Variants in TMEM245 observed in about 807,000 individuals in gnomAD.
The protein encoded by TMEM245 is protein CG-2.
Under a neutral mutation model 101.2 loss-of-function variants are expected in TMEM245, and 69 were observed. The observed-to-expected ratio is 0.68, with a 90% CI of 0.56 to 0.83. The LOEUF is 0.83. Among genes scored for constraint, TMEM245 ranks in the 40% least tolerant of loss-of-function variants. TMEM245 has a pLI of 0.00. For synonymous variants in TMEM245, 537 were observed against 449.8 expected, an observed-to-expected ratio of 1.19 and a Z score of -2.45; for missense variants, 1,075 against 1,092.8, an observed-to-expected ratio of 0.98 and a Z score of 0.23.
At chr9:109,078,270 A>G (rs1829573347) in intron 8 of TMEM245, among the ~76,000 whole-genome samples, 1 of 152,050 alleles carries the variant, frequency 6.6e-6, no homozygotes, top group Admixed American at 6.6e-5. Context: ...CAGTATTTCT[A>G]TTTTTCTTTA....
intron 16 of TMEM245, among the ~76,000 whole-genome samples, chr9:109,035,523 T>C (rs1828092412): frequency 6.6e-6 from 1 of 152,180 alleles, no homozygotes; most frequent in Non-Finnish European, 1.5e-5. Flanking sequence ...TTTAGAGAGC[T>C]CTGCTTGCCA....
chr9:109,019,654 T>C lies in TMEM245; in HGVS notation c.*806A>G, dbSNP rs113020697. The stretch of plus-strand genomic sequence containing the variant: ...CGGATACATTTAACAAATCAGAGTA[T>C]TGCTACACCTGAGATTTTTCACTTC... On this transcript the variant is annotated 3_prime_UTR_variant, in exon 18 of 18. Coordinates refer to ENST00000374586, the MANE Select transcript of TMEM245 (RefSeq NM_032012.4). 152 of 152,648 alleles carry C rather than the reference T, an allele frequency of 1.0e-3. 1 individual carries two copies. Among genetic ancestry groups the C allele is most frequent in the African/African-American group, 3.4e-3 (140 of 41,592 alleles). The allele number at this position is 152,648 out of a possible 1,614,324, so 9.5% of individuals were successfully genotyped here. A position where few individuals can be genotyped will look rare whatever the true frequency, so the allele number is the denominator to read the frequency against.
intron 3 of TMEM245, among the ~76,000 whole-genome samples, chr9:109,095,980 A>G (rs1402298317): frequency 2.0e-5 from 3 of 152,234 alleles, no homozygotes; most frequent in Non-Finnish European, 4.4e-5. Flanking sequence ...GTCTACAGCC[A>G]CAACAGGGGA....
intron 1 of TMEM245, among the ~76,000 whole-genome samples, chr9:109,109,399 C>T (rs975811206): frequency 6.6e-6 from 1 of 150,462 alleles, no homozygotes; most frequent in African/African-American, 2.5e-5. Context: ...TAACATAAGA[C>T]CAAGAAGCTA....
intron 10 of TMEM245, 57 bp from the exon 11 acceptor site, chr9:109,060,509 A>C (rs948727208): frequency 2.5e-6 from 3 of 1,180,174 alleles, no homozygotes; most frequent in African/African-American, 3.0e-5. Context: ...ACAGAGTAAA[A>C]TTAATATATG....
In TMEM245 at chr9:109,033,487, T is replaced by C. The variant is rs1470525180; in HGVS notation, c.2414A>G (p.Tyr805Cys). Residue 805 changes from tyrosine (Y) to cysteine (C), a missense_variant, in exon 17 of 18, where the codon TAC becomes TGC. Physicochemically the swap from Tyr to Cys is radical, Grantham distance 194 (BLOSUM62 -2). This residue lies in a region of TMEM245 where 267 missense variants were observed against 351.3 expected (regional missense o/e 0.76). Transcript: ENST00000374586. ...ACCGGCCACTGCCAAGCCTGTCAGG[T>C]AAGGATGGCCACCTCTGGAATAAAG... ...YSDISGGGHP[Y>C]LTGLAVAGGA... 1 of 1,599,612 alleles carries C rather than the reference T, an allele frequency of 6.3e-7. No individual in the cohort carries two copies. Among genetic ancestry groups the C allele is most frequent in the African/African-American group, 1.3e-5 (1 of 74,280 alleles).
At chr9:109,042,229 A>C (rs1227744895) in intron 14 of TMEM245, among the ~76,000 whole-genome samples, 1 of 152,126 alleles carries the variant, frequency 6.6e-6, no homozygotes, top group East Asian at 1.9e-4. Context: ...GGGTTGTGTT[A>C]GTTTCCTGTT....
chr9:109,023,647 A>T (rs2132274204), intron 17 of TMEM245, among the ~76,000 whole-genome samples: 1 of 152,208 alleles, frequency 6.6e-6, no homozygotes, highest in African/African-American at 2.4e-5. Flanking sequence ...ATCCTGGCTA[A>T]CATGGTGAAA....
intron 1 of TMEM245, among the ~76,000 whole-genome samples, chr9:109,118,919 T>C (rs1472289075): frequency 6.6e-6 from 1 of 152,178 alleles, no homozygotes. Context: ...CAAGTTGGCC[T>C]AGAATCTCTA....
chr9:109,060,232 G>A, intron 11 of TMEM245, 122 bp downstream of exon 11: 1 of 704,602 alleles, frequency 1.4e-6, no homozygotes, highest in East Asian at 2.8e-5. Context: ...GAGGCTTAAG[G>A]TTTTGCTGTT....
intron 9 of TMEM245, among the ~76,000 whole-genome samples, chr9:109,071,142 A>C (rs1829319072): frequency 6.6e-6 from 1 of 151,804 alleles, no homozygotes; most frequent in African/African-American, 2.4e-5. Flanking sequence ...CGGCCTCCCA[A>C]AGTGCTGGGA....
In TMEM245 at chr9:109,064,496, C is replaced by T. The variant is rs376533095; in HGVS notation, c.1604G>A (p.Arg535Gln). 2.5e-6 allele frequency: 4 copies of T among 1,613,644 alleles called. No homozygotes were observed. The highest frequency in any genetic ancestry group is 1.1e-5 in the South Asian group (1 of 91,060). Residue 535 changes from arginine to glutamine, a missense_variant, in exon 10 of 18, where the codon CGA becomes CAA. Arg to Gln is a conservative substitution (Grantham distance 43). Around this residue, in one of 2 missense-constraint regions of TMEM245, gnomAD observed 808 missense variants for 741.5 expected, o/e 1.09. Coordinates refer to ENST00000374586, the MANE Select transcript of TMEM245 (RefSeq NM_032012.4). ...CCTTACCTTGTGAGTTATCCATTCT[C>T]GTCCATACTGATACACGTTGTTAGC... ...SAANNVYQYG[R>Q]EWITHKLHKI...
rs532791426 is a variant in TMEM245, at chr9:109,095,789, G to A, written c.800-2198C>T. Among the ~76,000 whole-genome samples the A allele has an allele frequency of 3.3e-4, 51 of 152,252 alleles. No homozygotes were observed. The South Asian group carries it at 6.6e-3, about 20-fold the overall frequency. On this transcript the variant is annotated intron_variant, in intron 3 of 17. Coordinates refer to ENST00000374586, the MANE Select transcript of TMEM245 (RefSeq NM_032012.4). The stretch of plus-strand genomic sequence containing the variant: ...AGCATCATCACTATAAGGATCTCTC[G>A]TGTTGACCTTTTATAACCACACTCA...
At chr9:109,022,975 G>A (rs1322408300) in intron 17 of TMEM245, among the ~76,000 whole-genome samples, 1 of 152,196 alleles carries the variant, frequency 6.6e-6, no homozygotes, top group Non-Finnish European at 1.5e-5. Context: ...CATTAAATAA[G>A]ATTAAGGCTA....
At chr9:109,097,644 C>A (rs1472338850) in intron 3 of TMEM245, among the ~76,000 whole-genome samples, 1 of 152,182 alleles carries the variant, frequency 6.6e-6, no homozygotes, top group Non-Finnish European at 1.5e-5. Context: ...GCTGGCTGGG[C>A]ACAGTGGCTC....
At chr9:109,084,065 T>C (rs1271695127) in intron 7 of TMEM245, among the ~76,000 whole-genome samples, 1 of 144,730 alleles carries the variant, frequency 6.9e-6, no homozygotes, top group Admixed American at 7.0e-5. Flanking sequence ...GGTGACAGAG[T>C]GAGATCCTGT....
chr9:109,106,882 A>T (rs1042926063), intron 2 of TMEM245, among the ~76,000 whole-genome samples: 6 of 152,250 alleles, frequency 3.9e-5, no homozygotes, highest in African/African-American at 1.2e-4. Context: ...AGTCTATTGT[A>T]ACGTATACCA....
chr9:109,117,088 C>G (rs1830743185), intron 1 of TMEM245, among the ~76,000 whole-genome samples: 1 of 151,950 alleles, frequency 6.6e-6, no homozygotes, highest in African/African-American at 2.4e-5. Flanking sequence ...AACACTTGAG[C>G]CAAACAGCTG....
chr9:109,108,419 T>TC (rs1830482329), intron 2 of TMEM245, 34 bp downstream of exon 2: 1 of 1,005,616 alleles, frequency 9.9e-7, no homozygotes. Flanking sequence ...TAGGCTAGAC[T>TC]TAAAAAAAAA....
Sources: gnomAD v4.1 joint callset for allele counts (sites outside exome capture counted in the v4.1 genomes callset) on GRCh38, gnomAD v4.1.1 for gene constraint, gnomAD v4.1.1 regional missense constraint, MANE v1.5 for transcripts, NCBI Gene and HGNC (gene_info 2026-07-23, HGNC 2026-07-21) for gene names.